The following SH3RF2 variants were observed in gnomAD, a reference collection of about 807,000 sequenced individuals.
SH3RF2 encodes the protein E3 ubiquitin-protein ligase SH3RF2.
Under a neutral mutation model 59.0 loss-of-function variants are expected in SH3RF2, and 43 were observed. The ratio of observed to expected loss-of-function variants is 0.73; its 90% CI spans 0.57 to 0.94. The LOEUF is 0.94. SH3RF2 is among the 40% of genes least tolerant of loss of function. The pLI is 0.00. For synonymous variants in SH3RF2, 391 were observed against 391.5 expected, an observed-to-expected ratio of 1.00 and a Z score of 0.01; for missense variants, 930 against 940.1, an observed-to-expected ratio of 0.99 and a Z score of 0.14.
At chr5:146,072,067 C>T (rs1763251024) in intron 9 of SH3RF2, among the ~76,000 whole-genome samples, 1 of 152,208 alleles carries the variant, frequency 6.6e-6, no homozygotes, top group East Asian at 1.9e-4. Context: ...GAAAAATGAG[C>T]AGCACAGAGA....
chr5:146,015,011 T>C (rs1271560317), intron 5 of SH3RF2, among the ~76,000 whole-genome samples: 1 of 152,210 alleles, frequency 6.6e-6, no homozygotes, highest in East Asian at 1.9e-4. Context: ...ACCATGCAGG[T>C]GGCAACTTGA....
chr5:145,968,075 A>G (rs1042574763), intron 2 of SH3RF2, among the ~76,000 whole-genome samples: 3 of 151,464 alleles, frequency 2.0e-5, no homozygotes, highest in African/African-American at 4.9e-5. Flanking sequence ...TTGCCTATGT[A>G]TAGTTTCCTG....
At chr5:145,971,287 C>G (rs576126013) in intron 2 of SH3RF2, among the ~76,000 whole-genome samples, 1 of 152,304 alleles carries the variant, frequency 6.6e-6, no homozygotes, top group South Asian at 2.1e-4. Flanking sequence ...GGAAATGATG[C>G]AACAAGCCAA....
chr5:146,025,427 C>T (rs1469903165), intron 5 of SH3RF2, among the ~76,000 whole-genome samples: 1 of 152,232 alleles, frequency 6.6e-6, no homozygotes, highest in Non-Finnish European at 1.5e-5. Flanking sequence ...ATGTTCCCTC[C>T]CTTGCCTTCC....
chr5:146,032,760 A>G (rs1761785927), intron 5 of SH3RF2, among the ~76,000 whole-genome samples: 1 of 152,236 alleles, frequency 6.6e-6, no homozygotes, highest in Admixed American at 6.5e-5. Context: ...TAACACAGAA[A>G]TGACTGGGAA....
intron 5 of SH3RF2, among the ~76,000 whole-genome samples, chr5:146,047,023 C>T (rs943521839): frequency 5.9e-5 from 9 of 152,126 alleles, no homozygotes; most frequent in African/African-American, 1.4e-4. Flanking sequence ...TCCCAAAGTG[C>T]TAGGTTTATA....
rs772214796 is a variant in SH3RF2 at position 146,056,079 on chromosome 5, G to A, written c.1421G>A (p.Gly474Asp). The A allele has an allele frequency of 2.5e-6, 4 of 1,614,080 alleles. No individual in the cohort carries two copies. The highest frequency in any genetic ancestry group is 1.7e-5 in the Admixed American group (1 of 60,002). Residue 474 changes from glycine to aspartate, a missense_variant, in exon 8 of 10, where the codon GGT becomes GAT. Gly to Asp is a moderately conservative substitution (Grantham distance 94, BLOSUM62 -1). Coordinates refer to ENST00000359120, the MANE Select transcript of SH3RF2 (RefSeq NM_152550.4). ...SVSSQGSISE[G>D]DPRQSRPFKS... Reference sequence around the variant, plus strand: ...TCCTCCCAAGGCAGCATTTCAGAAGGTGATCCACGGCAAAGCCGTCCCTTC... The same window carrying A: ...TCCTCCCAAGGCAGCATTTCAGAAGATGATCCACGGCAAAGCCGTCCCTTC...
intron 4 of SH3RF2, among the ~76,000 whole-genome samples, chr5:146,006,176 C>T (rs1362989047): frequency 6.6e-6 from 1 of 152,074 alleles, no homozygotes; most frequent in East Asian, 1.9e-4. Flanking sequence ...GTAATCCCAA[C>T]ACATTGGGGG....
At chr5:145,950,615 T>C (rs1394297125) in intron 2 of SH3RF2, among the ~76,000 whole-genome samples, 2 of 151,934 alleles carry the variant, frequency 1.3e-5, no homozygotes, top group East Asian at 1.9e-4. Context: ...ACATGTGATC[T>C]GGACAATAGA....
At chr5:146,050,336 A>G (rs1762452739) in intron 7 of SH3RF2, among the ~76,000 whole-genome samples, 1 of 152,150 alleles carries the variant, frequency 6.6e-6, no homozygotes, top group Non-Finnish European at 1.5e-5. Flanking sequence ...TGGTTCAATA[A>G]AAGGCAGCTT....
intron 2 of SH3RF2, among the ~76,000 whole-genome samples, chr5:145,976,847 C>T (rs1305206746): frequency 6.6e-6 from 1 of 152,236 alleles, no homozygotes; most frequent in Non-Finnish European, 1.5e-5. Flanking sequence ...AGGTCACCCA[C>T]TGTGTGGGCA....
rs140515498 is a variant in SH3RF2 at position 146,044,521 on chromosome 5, T to C, written c.1060-3251T>C. ...TAATTATTGATGTTGAGCATATTTT[T>C]ATGTATTTATTGGCCACTCAATATA... On this transcript the variant is annotated intron_variant, in intron 5 of 9. Transcript: ENST00000359120. 8.1e-4 allele frequency among the ~76,000 whole-genome samples: 123 copies of C among 152,354 alleles called. 1 individual carries two copies. The highest frequency in any genetic ancestry group is 2.9e-3 in the African/African-American group (121 of 41,584).
chr5:145,981,062 T>C (rs1436765765), intron 2 of SH3RF2, among the ~76,000 whole-genome samples: 1 of 152,166 alleles, frequency 6.6e-6, no homozygotes, highest in Non-Finnish European at 1.5e-5. Flanking sequence ...TGTCATCGCA[T>C]ATGCAGTCAG....
intron 2 of SH3RF2, among the ~76,000 whole-genome samples, chr5:145,982,823 T>C (rs1759554110): frequency 6.6e-6 from 1 of 152,138 alleles, no homozygotes; most frequent in Non-Finnish European, 1.5e-5. Context: ...CATTCAGGAA[T>C]GTGATATTTA....
intron 2 of SH3RF2, among the ~76,000 whole-genome samples, chr5:145,990,010 GT>G (rs1759874870): frequency 6.6e-6 from 1 of 152,158 alleles, no homozygotes; most frequent in East Asian, 1.9e-4. Flanking sequence ...TTTCAAATAT[GT>G]GCTGGTTAGG....
rs924154655 is a variant in SH3RF2 at position 146,047,804 on chromosome 5, A to G, written c.1092A>G (p.Pro364=). ...CTTATCACCCCGCACCTGTCTCTCC[A>G]GGACATTCCACAGCCGTGGTCAGTC... ...VSTYHPAPVS[P]GHSTAVVSLP... The change falls in exon 6 of 10, where the codon CCA becomes CCG. Residue 364 remains proline (P), a synonymous_variant. Coordinates refer to ENST00000359120, the MANE Select transcript of SH3RF2 (RefSeq NM_152550.4). The G allele has an allele frequency of 1.2e-6, 2 of 1,614,116 alleles. No homozygotes were observed. Among genetic ancestry groups the G allele is most frequent in the Admixed American group, 1.7e-5 (1 of 60,020 alleles).
chr5:146,037,891 G>T (rs1258055535), intron 5 of SH3RF2, among the ~76,000 whole-genome samples: 1 of 152,190 alleles, frequency 6.6e-6, no homozygotes, highest in Non-Finnish European at 1.5e-5. Context: ...GAAAAGTATA[G>T]TTCTGCTTCA....
chr5:146,005,244 G>C (rs537287835), intron 4 of SH3RF2, among the ~76,000 whole-genome samples: 1 of 152,166 alleles, frequency 6.6e-6, no homozygotes, highest in East Asian at 1.9e-4. Flanking sequence ...AACCTCATTA[G>C]CCATGAGCCT....
chr5:146,001,097 C>T (rs980018998), intron 3 of SH3RF2, among the ~76,000 whole-genome samples: 7 of 152,336 alleles, frequency 4.6e-5, no homozygotes, highest in African/African-American at 1.7e-4. Flanking sequence ...ATTTTTCAAA[C>T]ATTAATTACC....
Sources: gnomAD v4.1 joint callset for allele counts (sites outside exome capture counted in the v4.1 genomes callset) on GRCh38, gnomAD v4.1.1 for gene constraint, MANE v1.5 for transcripts, NCBI Gene and HGNC (gene_info 2026-07-23, HGNC 2026-07-21) for gene names.